ADARB1: variants seen among roughly 807,000 people sequenced by gnomAD.
ADARB1 encodes the protein double-stranded RNA-specific editase 1.
A neutral mutation model predicts 52.4 loss-of-function variants in ADARB1; 10 were observed. That is an observed-to-expected ratio of 0.19 (90% CI 0.12 to 0.32). The LOEUF (loss-of-function observed/expected upper bound fraction) is 0.32. Ranked by LOEUF, ADARB1 falls within the 10% of genes least tolerant of loss-of-function variation. The pLI is 1.00. For synonymous variants in ADARB1, 349 were observed against 371.1 expected, an observed-to-expected ratio of 0.94 and a Z score of 0.68; for missense variants, 643 against 922.3, an observed-to-expected ratio of 0.70 and a Z score of 3.92.
chr21:45,207,509 A>T (rs994103956), intron 9 of ADARB1, among the ~76,000 whole-genome samples: 3 of 152,206 alleles, frequency 2.0e-5, no homozygotes, highest in Admixed American at 6.5e-5. Context: ...AAAAATCTGG[A>T]GAGGCAAATG....
intron 2 of ADARB1, among the ~76,000 whole-genome samples, chr21:45,138,240 A>C (rs766621809): frequency 1.1e-4 from 17 of 152,214 alleles, no homozygotes; most frequent in Non-Finnish European, 2.2e-4. Flanking sequence ...GTTAGTTCAC[A>C]TGGAGGAGGA....
intron 1 of ADARB1, among the ~76,000 whole-genome samples, chr21:45,122,473 C>A (rs995761502): frequency 6.6e-6 from 1 of 152,130 alleles, no homozygotes. Context: ...GGGGTATAAA[C>A]CCATTGTGGA....
At chr21:45,184,767 TTATTTTGTATGTG>T (rs529715803) in intron 7 of ADARB1, among the ~76,000 whole-genome samples, 143 bp from the exon 8 acceptor site, 43 of 152,320 alleles carry the variant, frequency 2.8e-4, no homozygotes, top group Non-Finnish European at 2.4e-4. Context: ...CTTCACATAC[TTATTTTGTATGTG>T]TATTTTGTAT....
At chr21:45,174,396 T>G (rs1251765227) in intron 3 of ADARB1, among the ~76,000 whole-genome samples, 2 of 152,132 alleles carry the variant, frequency 1.3e-5, no homozygotes, top group East Asian at 1.9e-4. Flanking sequence ...CACTTTATAC[T>G]CCTCTTTTTA....
At chr21:45,117,527 C>T (rs548244931) in intron 1 of ADARB1, among the ~76,000 whole-genome samples, 2 of 151,964 alleles carry the variant, frequency 1.3e-5, no homozygotes, top group South Asian at 2.1e-4. Flanking sequence ...CAGGTAGTGC[C>T]GTTCTCTTCG....
chr21:45,183,485 C>G lies in ADARB1; in HGVS notation c.1371C>G (p.Phe457Leu). Reference sequence around the variant, plus strand: ...CTCCCTGTGGAGATGCCAGAATCTTCTCACCACATGAGCCAATCCTGGAAG... The same window carrying G: ...CTCCCTGTGGAGATGCCAGAATCTTGTCACCACATGAGCCAATCCTGGAAG... ...STSPCGDARI[F>L]SPHEPILEEP... is the part of the protein sequence containing the mutation. Residue 457 changes from phenylalanine (F) to leucine (L), a missense_variant, in exon 7 of 11, where the codon TTC becomes TTG. By Grantham distance (22) the Phe-to-Leu change is conservative. Transcript: ENST00000348831. 1 of 1,611,562 alleles carries G rather than the reference C, an allele frequency of 6.2e-7. No homozygotes were observed. Among genetic ancestry groups the G allele is most frequent in the Non-Finnish European group, 8.5e-7 (1 of 1,179,346 alleles).
intron 2 of ADARB1, among the ~76,000 whole-genome samples, chr21:45,165,782 A>G (rs1045913605): frequency 6.6e-5 from 10 of 151,654 alleles, no homozygotes; most frequent in Admixed American, 1.3e-4. Context: ...TGCTTGATGT[A>G]TAGTAAAGAA....
intron 2 of ADARB1, among the ~76,000 whole-genome samples, chr21:45,136,588 C>T (rs1314555023): frequency 2.6e-5 from 4 of 152,314 alleles, no homozygotes; most frequent in South Asian, 4.1e-4. Flanking sequence ...AGGCACTGAC[C>T]GAGGCCTGGG....
At position 45,112,734 on chromosome 21, in the gene ADARB1, C is replaced by T. The variant is rs185882857; in HGVS notation, c.-219-15668C>T. 1.5e-3 allele frequency among the ~76,000 whole-genome samples: 227 copies of T among 152,168 alleles called. 1 individual carries two copies. Among genetic ancestry groups the T allele is most frequent in the African/African-American group, 5.3e-3 (219 of 41,504 alleles). On this transcript the variant is annotated intron_variant, in intron 1 of 10. Coordinates refer to ENST00000348831, the MANE Select transcript of ADARB1 (RefSeq NM_001112.4). ...GGTGAACATGTGATTTACTGATTTACTGCTTGAACAGGGACACTTTTGAGA... is the reference window on the plus strand; with the variant it reads ...GGTGAACATGTGATTTACTGATTTATTGCTTGAACAGGGACACTTTTGAGA...
intron 1 of ADARB1, among the ~76,000 whole-genome samples, chr21:45,121,905 C>G (rs1569031154): frequency 6.6e-6 from 1 of 152,236 alleles, no homozygotes; most frequent in East Asian, 1.9e-4. Context: ...ATCCCCTCCT[C>G]TCGGGCCATC....
At chr21:45,136,521 A>C (rs1367111714) in intron 2 of ADARB1, among the ~76,000 whole-genome samples, 2 of 152,242 alleles carry the variant, frequency 1.3e-5, no homozygotes, top group African/African-American at 4.8e-5. Flanking sequence ...AACCTGTAGC[A>C]GCGCTCAAGA....
At chr21:45,194,406 GCC>G (rs1442392242) in intron 8 of ADARB1, among the ~76,000 whole-genome samples, 1 of 151,914 alleles carries the variant, frequency 6.6e-6, no homozygotes, top group African/African-American at 2.4e-5. Flanking sequence ...TAGTTTCACT[GCC>G]CTAAAAATCC....
At chr21:45,096,192 C>T (rs2086752814) in intron 1 of ADARB1, among the ~76,000 whole-genome samples, 1 of 152,244 alleles carries the variant, frequency 6.6e-6, no homozygotes, top group African/African-American at 2.4e-5. Context: ...GGTGTGGGTG[C>T]GCCTAGCCCA....
intron 1 of ADARB1, among the ~76,000 whole-genome samples, chr21:45,113,499 G>GTGTGTGTGTGTGTATATATA (rs1204389278): frequency 3.5e-5 from 1 of 28,206 alleles, no homozygotes; most frequent in Non-Finnish European, 9.4e-5. Flanking sequence ...GTGTATATAT[G>GTGTGTGTGTGTGTATATATA]TGTGTGTGTG....
chr21:45,163,571 G>A (rs145349015), intron 2 of ADARB1, among the ~76,000 whole-genome samples: 2,502 of 151,794 alleles, frequency 0.016, 148 homozygotes, highest in Admixed American at 0.12. Flanking sequence ...CTGACTCTGG[G>A]CCCTCAAGGC....
chr21:45,153,114 C>G (rs1199043703), intron 2 of ADARB1, among the ~76,000 whole-genome samples: 1 of 152,204 alleles, frequency 6.6e-6, no homozygotes, highest in Non-Finnish European at 1.5e-5. Flanking sequence ...CTGCAGAAAG[C>G]AAGGCTGAGC....
intron 4 of ADARB1, among the ~76,000 whole-genome samples, chr21:45,178,070 T>C (rs1192128190): frequency 6.6e-6 from 1 of 152,190 alleles, no homozygotes; most frequent in Non-Finnish European, 1.5e-5. Flanking sequence ...GTGACTTGTC[T>C]TCCCTTAATA....
Position 45,175,944 on chromosome 21 carries a change from C to T in ADARB1, c.243C>T (p.Asn81=), listed in dbSNP as rs2091677155. ...CACCAGGGCCCGTCCTCCCCAAGAA[C>T]GCCCTGATGCAGCTGAATGAGATCA... ...RKTPGPVLPK[N]ALMQLNEIKP... is the part of the protein sequence containing the mutation. Residue 81 remains asparagine, a synonymous_variant, in exon 4 of 11, where the codon AAC becomes AAT. Coordinates refer to ENST00000348831, the MANE Select transcript of ADARB1 (RefSeq NM_001112.4). 5.0e-6 allele frequency: 8 copies of T among 1,610,140 alleles called. No homozygotes were observed. Among genetic ancestry groups the T allele is most frequent in the South Asian group, 2.2e-5 (2 of 90,584 alleles).
In ADARB1 at chr21:45,222,935, C is replaced by T. The variant is rs1246928672; in HGVS notation, c.*738C>T. On this transcript the variant is annotated 3_prime_UTR_variant, in exon 11 of 11. Transcript: ENST00000348831. ...AGCCCTCAGCCTCCTCTAGAAGCTT[C>T]TGTACTCCTTGTAGGATCAGATCAT... 2 of 985,366 alleles carry T rather than the reference C, an allele frequency of 2.0e-6. No homozygotes were observed. Among genetic ancestry groups the T allele is most frequent in the East Asian group, 2.3e-4 (2 of 8,832 alleles). The allele number at this position is 985,366 out of a possible 1,614,324, so 61.0% of individuals were successfully genotyped here.
Sources: allele counts gnomAD v4.1 joint callset (sites outside exome capture counted in the v4.1 genomes callset), GRCh38; gene constraint gnomAD v4.1.1; transcripts MANE v1.5; gene names NCBI Gene and HGNC (gene_info 2026-07-23, HGNC 2026-07-21).